The following MEI4 variants were observed in gnomAD, a reference collection of about 807,000 sequenced individuals.
MEI4 encodes the protein meiosis-specific protein MEI4.
In MEI4, 27 loss-of-function variants were observed where a neutral mutation model predicts 31.4. The ratio of observed to expected loss-of-function variants is 0.86; its 90% CI spans 0.63 to 1.19. The LOEUF (loss-of-function observed/expected upper bound fraction) is 1.19. MEI4 is among the 50% of genes most tolerant of loss of function. MEI4 has a pLI of 0.00. For missense variants in MEI4, 329 were observed against 398.9 expected (o/e 0.82, Z 1.49); for synonymous variants, 122 against 145.4 (o/e 0.84, Z 1.16).
intron 1 of MEI4, among the ~76,000 whole-genome samples, chr6:77,673,564 G>C (rs1768786447): frequency 1.3e-5 from 2 of 152,164 alleles, no homozygotes; most frequent in Admixed American, 6.5e-5. Context: ...CCCTCTTGGG[G>C]GTGTTGGTGG....
At chr6:77,840,070 C>G (rs1770320369) in intron 4 of MEI4, among the ~76,000 whole-genome samples, 1 of 152,066 alleles carries the variant, frequency 6.6e-6, no homozygotes, top group Non-Finnish European at 1.5e-5. Context: ...AAATTCTAAC[C>G]AGATAATTAG....
At chr6:77,699,136 T>A (rs1766138268) in intron 2 of MEI4, among the ~76,000 whole-genome samples, 1 of 151,994 alleles carries the variant, frequency 6.6e-6, no homozygotes, top group Non-Finnish European at 1.5e-5. Flanking sequence ...TTTAAGGACT[T>A]CTCTGCACTG....
intron 2 of MEI4, among the ~76,000 whole-genome samples, chr6:77,699,290 C>T (rs1345539791): frequency 8.7e-5 from 13 of 149,436 alleles, no homozygotes; most frequent in African/African-American, 2.7e-4. Context: ...CCCGGGTTCA[C>T]GCCATTCTCC....
rs1001229776 is a variant in MEI4 at position 77,870,746 on chromosome 6, T to C, written c.900+41684T>C. Among the ~76,000 whole-genome samples the C allele has an allele frequency of 2.0e-5, 3 of 152,192 alleles. No individual in the cohort carries two copies. In the South Asian group the frequency reaches 6.2e-4, roughly 31 times the overall value. The stretch of plus-strand genomic sequence containing the variant: ...TGGTTTTCATCAGGTAGTTCCATTA[T>C]TAAAAGTTATTTTTTACAGCGAAGA... On this transcript the variant is annotated intron_variant, in intron 4 of 4. Transcript: ENST00000684080.
At chr6:77,801,113 A>C (rs1472607377) in intron 3 of MEI4, among the ~76,000 whole-genome samples, 1 of 152,108 alleles carries the variant, frequency 6.6e-6, no homozygotes, top group South Asian at 2.1e-4. Flanking sequence ...CTGTGAATCC[A>C]TGTGGTCCTG....
intron 2 of MEI4, among the ~76,000 whole-genome samples, chr6:77,742,038 G>GACA (rs1767421056): frequency 6.6e-6 from 1 of 151,860 alleles, no homozygotes; most frequent in Admixed American, 6.6e-5. Context: ...ATTTGGCTTG[G>GACA]TTCCAAGTCT....
intron 4 of MEI4, among the ~76,000 whole-genome samples, chr6:77,868,505 A>ATATATATATATATATATC (rs1771110626): frequency 8.5e-6 from 1 of 117,978 alleles, no homozygotes; most frequent in Non-Finnish European, 1.7e-5. Context: ...AATACTACAT[A>ATATATATATATATATATC]TATATATATA....
chr6:77,768,515 C>T (rs535139234), intron 3 of MEI4, among the ~76,000 whole-genome samples: 2 of 152,098 alleles, frequency 1.3e-5, no homozygotes, highest in African/African-American at 2.4e-5. Flanking sequence ...GCCTGGCCAA[C>T]GTGGGAAAAC....
chr6:77,856,381 A>C (rs1770745551), intron 4 of MEI4, among the ~76,000 whole-genome samples: 3 of 152,092 alleles, frequency 2.0e-5, no homozygotes. Context: ...CTAATCTCAG[A>C]ATCTGGTATC....
At chr6:77,709,041 C>T (rs922088769) in intron 2 of MEI4, among the ~76,000 whole-genome samples, 3 of 152,168 alleles carry the variant, frequency 2.0e-5, no homozygotes, top group African/African-American at 7.2e-5. Context: ...AGATATCATA[C>T]CTTTTCTGCC....
At chr6:77,883,717 G>GATTATATATATATATAT (rs1771542712) in intron 4 of MEI4, among the ~76,000 whole-genome samples, 2 of 43,336 alleles carry the variant, frequency 4.6e-5, no homozygotes, top group African/African-American at 3.8e-4. Flanking sequence ...TATTATGTAA[G>GATTATATATATATATAT]ATATATATAT....
rs1766772404 is a variant in MEI4 at position 77,923,796 on chromosome 6, T to G, written c.*450T>G. 1 of 151,910 alleles carries G rather than the reference T, an allele frequency of 6.6e-6. No homozygotes were observed. The highest frequency in any genetic ancestry group is 2.4e-5 in the African/African-American group (1 of 41,424). The allele number at this position is 151,910 out of a possible 1,614,324, so 9.4% of individuals were successfully genotyped here. On this transcript the variant is annotated 3_prime_UTR_variant, in exon 5 of 5. Coordinates refer to ENST00000684080, the MANE Select transcript of MEI4 (RefSeq NM_001322247.2). ...TGGTCATAAATGCAATTTTTAAAAC[T>G]TTTTCTTACATAGTTGAACTTATAT...
In MEI4 at chr6:77,923,543, C is replaced by A; in HGVS notation, c.*197C>A. The A allele has an allele frequency of 2.4e-6, 1 of 421,828 alleles. No individual in the cohort carries two copies. Among genetic ancestry groups the A allele is most frequent in the Non-Finnish European group, 3.8e-6 (1 of 263,062 alleles). 26.1% of individuals were successfully genotyped at this position (421,828 alleles called of 1,614,324 possible). ...GTCATATTTCTATACTAAAATCAGC[C>A]AGTTTCGGTTGGTAATGCCATCCTT... On this transcript the variant is annotated 3_prime_UTR_variant, in exon 5 of 5. Transcript: ENST00000684080.
chr6:77,767,108 G>A (rs949636835), intron 3 of MEI4, among the ~76,000 whole-genome samples: 21 of 152,082 alleles, frequency 1.4e-4, no homozygotes, highest in South Asian at 8.3e-4. Context: ...ACGGCTGGGC[G>A]CGGTGGCTCA....
chr6:77,791,057 A>C (rs932051054), intron 3 of MEI4, among the ~76,000 whole-genome samples: 4 of 152,090 alleles, frequency 2.6e-5, no homozygotes, highest in African/African-American at 9.7e-5. Flanking sequence ...GATGTGGAGA[A>C]ATAGGAACAC....
intron 2 of MEI4, among the ~76,000 whole-genome samples, chr6:77,692,773 G>A (rs1440270377): frequency 1.3e-5 from 2 of 152,012 alleles, no homozygotes; most frequent in African/African-American, 4.8e-5. Context: ...TAAGCTAATA[G>A]GACAAAAGGT....
intron 2 of MEI4, among the ~76,000 whole-genome samples, chr6:77,740,816 A>G (rs1362706467): frequency 1.3e-5 from 2 of 151,828 alleles, no homozygotes; most frequent in Non-Finnish European, 2.9e-5. Context: ...ATATTTTGAA[A>G]AAAATATATA....
intron 4 of MEI4, among the ~76,000 whole-genome samples, chr6:77,918,067 C>T (rs1443353821): frequency 6.6e-6 from 1 of 151,006 alleles, no homozygotes; most frequent in Non-Finnish European, 1.5e-5. Flanking sequence ...TGTCAAAGAT[C>T]AGATAGTTGT....
In MEI4 at chr6:77,701,692, G is replaced by A. The variant is rs574233270; in HGVS notation, c.232+10789G>A. Among the ~76,000 whole-genome samples, 7 of 152,048 alleles carry A rather than the reference G, an allele frequency of 4.6e-5. No individual in the cohort carries two copies. The South Asian group carries it at 1.2e-3, about 27-fold the overall frequency. Reference sequence around the variant, plus strand: ...GCTACAGGATGAGCAATTGGTTATAGTAAAAAGGATGAGCAGTTGGCCAGA... The same window carrying A: ...GCTACAGGATGAGCAATTGGTTATAATAAAAAGGATGAGCAGTTGGCCAGA... On this transcript the variant is annotated intron_variant, in intron 2 of 4. Coordinates refer to ENST00000684080, the MANE Select transcript of MEI4 (RefSeq NM_001322247.2).
Sources: allele counts gnomAD v4.1 joint callset (sites outside exome capture counted in the v4.1 genomes callset), GRCh38; gene constraint gnomAD v4.1.1; transcripts MANE v1.5; gene names NCBI Gene and HGNC (gene_info 2026-07-23, HGNC 2026-07-21).